NEGR1: variants seen among roughly 807,000 people sequenced by gnomAD.
NEGR1 encodes the protein neuronal growth regulator 1, also known as IgLON family member 4.
In NEGR1, 10 loss-of-function variants were observed where a neutral mutation model predicts 40.9. The observed-to-expected ratio is 0.24, with a 90% CI of 0.15 to 0.42. NEGR1 has a LOEUF of 0.42. Ranked by LOEUF, NEGR1 falls within the 10% of genes least tolerant of loss-of-function variation. The pLI, the probability that NEGR1 is intolerant of heterozygous loss-of-function variation, is 1.00. For missense variants in NEGR1, 352 were observed against 438.9 expected (o/e 0.80, Z 1.77); for synonymous variants, 185 against 166.8 (o/e 1.11, Z -0.84).
intron 2 of NEGR1, among the ~76,000 whole-genome samples, chr1:71,814,497 T>C (rs139719435): frequency 1.0e-3 from 158 of 152,210 alleles, no homozygotes; most frequent in African/African-American, 3.5e-3. Flanking sequence ...TACCAGCTCC[T>C]CTTTGTAACT....
chr1:71,641,055 C>A (rs1301692440), intron 4 of NEGR1, among the ~76,000 whole-genome samples: 1 of 152,098 alleles, frequency 6.6e-6, no homozygotes, highest in Non-Finnish European at 1.5e-5. Flanking sequence ...AACCACACAA[C>A]AAAGTATGTA....
chr1:71,684,786 G>A (rs1570202252), intron 4 of NEGR1, among the ~76,000 whole-genome samples: 1 of 152,034 alleles, frequency 6.6e-6, no homozygotes. Context: ...CCATTCTCCC[G>A]GTAATATGGT....
At chr1:72,157,030 C>T (rs1300917703) in intron 1 of NEGR1, among the ~76,000 whole-genome samples, 2 of 151,934 alleles carry the variant, frequency 1.3e-5, no homozygotes, top group Non-Finnish European at 2.9e-5. Context: ...TGGTACAATC[C>T]TAGCTCATAA....
At chr1:72,078,131 A>G (rs1647830843) in intron 1 of NEGR1, among the ~76,000 whole-genome samples, 2 of 152,148 alleles carry the variant, frequency 1.3e-5, no homozygotes, top group South Asian at 4.1e-4. Flanking sequence ...TTTCATCCAT[A>G]ATCAACTAGT....
chr1:72,002,473 C>T (rs1470071403), intron 1 of NEGR1, among the ~76,000 whole-genome samples: 3 of 152,008 alleles, frequency 2.0e-5, no homozygotes, highest in Non-Finnish European at 4.4e-5. Flanking sequence ...ATCAACTAAG[C>T]AGGAACAGTT....
chr1:72,042,428 G>A (rs932121672), intron 1 of NEGR1, among the ~76,000 whole-genome samples: 3 of 151,764 alleles, frequency 2.0e-5, no homozygotes, highest in African/African-American at 7.3e-5. Context: ...TGCATACAAG[G>A]AAACACAACT....
intron 1 of NEGR1, among the ~76,000 whole-genome samples, chr1:72,140,120 G>C (rs1017028830): frequency 6.6e-6 from 1 of 151,962 alleles, no homozygotes; most frequent in African/African-American, 2.4e-5. Flanking sequence ...CAGAGAAACT[G>C]GTTGAAGAGG....
intron 1 of NEGR1, among the ~76,000 whole-genome samples, chr1:71,966,303 ATTAAC>A (rs1438718786): frequency 6.6e-6 from 1 of 152,240 alleles, no homozygotes; most frequent in African/African-American, 2.4e-5. Flanking sequence ...AGCTTTAAAT[ATTAAC>A]TTAACACACG....
intron 6 of NEGR1, among the ~76,000 whole-genome samples, chr1:71,533,657 A>G (rs1273819307): frequency 6.6e-6 from 1 of 151,684 alleles, no homozygotes; most frequent in African/African-American, 2.4e-5. Context: ...TCCAGCAAAT[A>G]TCTAACAAAT....
At chr1:72,183,662 T>G (rs1181522545) in intron 1 of NEGR1, among the ~76,000 whole-genome samples, 1 of 152,148 alleles carries the variant, frequency 6.6e-6, no homozygotes, top group Non-Finnish European at 1.5e-5. Context: ...AGGATATTAC[T>G]ATACATAAGA....
At chr1:72,184,244 C>G (rs1488316093) in intron 1 of NEGR1, among the ~76,000 whole-genome samples, 1 of 152,054 alleles carries the variant, frequency 6.6e-6, no homozygotes, top group Non-Finnish European at 1.5e-5. Flanking sequence ...TGATTCTTCT[C>G]TGTGCTCAGT....
intron 2 of NEGR1, among the ~76,000 whole-genome samples, chr1:71,882,901 C>CCTACTTTGAA (rs1253444325): frequency 6.6e-6 from 1 of 151,990 alleles, no homozygotes; most frequent in Admixed American, 6.6e-5. Context: ...AGTCATGTTA[C>CCTACTTTGAA]CTACTTTGAA....
intron 4 of NEGR1, among the ~76,000 whole-genome samples, chr1:71,686,564 C>T (rs1243175255): frequency 1.3e-5 from 2 of 152,152 alleles, no homozygotes; most frequent in Admixed American, 6.5e-5. Flanking sequence ...GGAAGTGGCC[C>T]ATGTCACTTC....
chr1:71,573,947 G>A (rs1427395751), intron 6 of NEGR1, among the ~76,000 whole-genome samples: 2 of 152,154 alleles, frequency 1.3e-5, no homozygotes, highest in South Asian at 2.1e-4. Context: ...AGATTATTGG[G>A]AGACACTCCT....
intron 6 of NEGR1, among the ~76,000 whole-genome samples, chr1:71,484,289 C>T (rs1333087736): frequency 1.3e-5 from 2 of 151,514 alleles, no homozygotes; most frequent in East Asian, 3.9e-4. Context: ...TATTCACCTT[C>T]ATGCAAGACT....
intron 1 of NEGR1, among the ~76,000 whole-genome samples, chr1:72,166,362 G>A (rs1345562953): frequency 2.6e-5 from 4 of 152,044 alleles, no homozygotes; most frequent in African/African-American, 9.7e-5. Context: ...ATGAAAAACT[G>A]TATGGAGGTT....
chr1:71,777,533 CT>C (rs1656554528), intron 2 of NEGR1, among the ~76,000 whole-genome samples: 1 of 152,022 alleles, frequency 6.6e-6, no homozygotes. Flanking sequence ...TACTATGTTA[CT>C]ATTACAGCAC....
chr1:72,026,552 A>AC (rs909311293), intron 1 of NEGR1, among the ~76,000 whole-genome samples: 4 of 149,846 alleles, frequency 2.7e-5, no homozygotes, highest in Non-Finnish European at 5.9e-5. Flanking sequence ...AACAACAACA[A>AC]AAAAAACCCT....
intron 1 of NEGR1, among the ~76,000 whole-genome samples, chr1:71,987,112 C>T (rs1646401915): frequency 6.6e-6 from 1 of 152,044 alleles, no homozygotes; most frequent in South Asian, 2.1e-4. Flanking sequence ...TAGGAAGTAC[C>T]TAACCCGTCT....
Sources: allele counts gnomAD v4.1 joint callset (sites outside exome capture counted in the v4.1 genomes callset), GRCh38; gene constraint gnomAD v4.1.1; transcripts MANE v1.5; gene names NCBI Gene and HGNC (gene_info 2026-07-23, HGNC 2026-07-21).